The following CHD2 variants were observed in gnomAD, a reference collection of about 807,000 sequenced individuals.
The protein encoded by CHD2 is chromodomain helicase DNA binding protein 2.
A neutral mutation model predicts 243.9 loss-of-function variants in CHD2; 28 were observed. That is an observed-to-expected ratio of 0.11 (90% CI 0.09 to 0.16). CHD2 has a LOEUF of 0.16. CHD2 is among the 10% of genes least tolerant of loss of function. CHD2 has a pLI of 1.00. For missense variants in CHD2, 1,386 were observed against 2,209.8 expected, an observed-to-expected ratio of 0.63 and a Z score of 7.47; for synonymous variants, 775 against 779.0, an observed-to-expected ratio of 0.99 and a Z score of 0.09.
intron 24 of CHD2, among the ~76,000 whole-genome samples, chr15:92,983,124 C>G (rs943730474): frequency 6.6e-6 from 1 of 152,144 alleles, no homozygotes; most frequent in Non-Finnish European, 1.5e-5. Context: ...GCTCTACCCT[C>G]ATGACCTCCT....
intron 2 of CHD2, among the ~76,000 whole-genome samples, chr15:92,922,009 A>C (rs1002666399): frequency 7.2e-5 from 11 of 152,204 alleles, no homozygotes. Context: ...GGACTGTGCA[A>C]GGGGTTAAGG....
intron 16 of CHD2, among the ~76,000 whole-genome samples, chr15:92,966,924 A>AG (rs2053772667): frequency 6.6e-6 from 1 of 151,208 alleles, no homozygotes; most frequent in African/African-American, 2.4e-5. Flanking sequence ...AAAAAAAAAA[A>AG]GGAATGACTA....
intron 35 of CHD2, among the ~76,000 whole-genome samples, chr15:93,009,880 CTT>C (rs1298732045): frequency 6.6e-6 from 1 of 152,118 alleles, no homozygotes. Flanking sequence ...GCCACTGAAA[CTT>C]TTTTAAAAGA....
At chr15:92,924,298 A>ATCTC (rs749583665) in intron 2 of CHD2, 23 bp from the exon 3 acceptor site, 1 of 1,588,956 alleles carries the variant, frequency 6.3e-7, no homozygotes, top group Admixed American at 1.7e-5. Flanking sequence ...ATATTTTTAA[A>ATCTC]TCTCTCTCTC....
chr15:92,989,469 T>C (rs557701849), intron 26 of CHD2, among the ~76,000 whole-genome samples: 20 of 152,350 alleles, frequency 1.3e-4, no homozygotes, highest in African/African-American at 4.6e-4. Flanking sequence ...TTTGCTTGTT[T>C]AGTGACTTTC....
At chr15:93,021,494 A>G (rs1322914179) in intron 38 of CHD2, 1 of 152,064 alleles carries the variant, frequency 6.6e-6, no homozygotes, top group African/African-American at 2.4e-5. Context: ...TTCTCATTAC[A>G]CCTATATTAG....
At chr15:93,015,001 T>A in intron 37 of CHD2, 92 bp downstream of exon 37, 1 of 971,318 alleles carries the variant, frequency 1.0e-6, no homozygotes, top group Non-Finnish European at 1.6e-6. Context: ...GCTAGACTTC[T>A]GTGCTTTATT....
At chr15:93,020,708 A>T (rs1353405983) in intron 38 of CHD2, 1 of 208,124 alleles carries the variant, frequency 4.8e-6, no homozygotes, top group African/African-American at 2.3e-5. Context: ...CGATGAGCCG[A>T]AGCTTTACAT....
chr15:92,972,623 G>A lies in CHD2; in HGVS notation c.2505+206G>A, dbSNP rs1219262907. On this transcript the variant is annotated intron_variant, in intron 19 of 38. Coordinates refer to ENST00000394196, the MANE Select transcript of CHD2 (RefSeq NM_001271.4). ...TCCCAGCACTTTGGGAGGCCGAGGC[G>A]GGCGGATCACGAGGTCAGGAGATCA... Among the ~76,000 whole-genome samples, 2 of 10,872 alleles carry A rather than the reference G, an allele frequency of 1.8e-4. 1 individual carries two copies. Among genetic ancestry groups the A allele is most frequent in the African/African-American group, 2.6e-4 (2 of 7,750 alleles). 7.1% of individuals were successfully genotyped at this position (10,872 alleles called of 152,430 possible).
intron 37 of CHD2, among the ~76,000 whole-genome samples, chr15:93,017,635 C>G (rs991397332): frequency 2.6e-5 from 4 of 151,848 alleles, no homozygotes; most frequent in African/African-American, 9.7e-5. Flanking sequence ...GCGTGAGCCA[C>G]TGCGCCTGGC....
chr15:93,020,588 C>A, intron 38 of CHD2: 1 of 516,822 alleles, frequency 1.9e-6, no homozygotes, highest in African/African-American at 1.9e-5. Context: ...ATCAGGGATC[C>A]CGAGATGGGT....
Position 93,024,888 on chromosome 15 carries a change from G to C in CHD2, c.*183G>C, listed in dbSNP as rs2054574214. ...CTTTCACTGGGTCCAGCTCTGATTC[G>C]GGTCACCACTCCTGCACTTTGGCAC... On this transcript the variant is annotated 3_prime_UTR_variant, in exon 39 of 39. Coordinates refer to ENST00000394196, the MANE Select transcript of CHD2 (RefSeq NM_001271.4). 1.7e-6 allele frequency: 1 copy of C among 587,016 alleles called. No individual in the cohort carries two copies. The highest frequency in any genetic ancestry group is 2.9e-6 in the Non-Finnish European group (1 of 340,140). The allele number at this position is 587,016 out of a possible 1,614,324, so 36.4% of individuals were successfully genotyped here. A position where few individuals can be genotyped will look rare whatever the true frequency, so the allele number is the denominator to read the frequency against.
At chr15:92,909,437 T>C (rs1471468519) in intron 2 of CHD2, among the ~76,000 whole-genome samples, 3 of 152,228 alleles carry the variant, frequency 2.0e-5, no homozygotes, top group Non-Finnish European at 4.4e-5. Flanking sequence ...TTTCTAAGTC[T>C]AGCAGTGCCT....
At chr15:92,987,288 G>T (rs1371326499) in intron 26 of CHD2, among the ~76,000 whole-genome samples, 1 of 151,726 alleles carries the variant, frequency 6.6e-6, no homozygotes, top group Admixed American at 6.6e-5. Flanking sequence ...TTCTTTTTGG[G>T]TATTTGAAAT....
intron 16 of CHD2, among the ~76,000 whole-genome samples, chr15:92,965,593 A>AAAAAAC (rs1567144593): frequency 7.4e-6 from 1 of 135,294 alleles, no homozygotes; most frequent in Non-Finnish European, 1.6e-5. Context: ...AAAAAAAAAA[A>AAAAAAC]AACCAACTCA....
At chr15:93,008,700 G>A (rs1312494963) in intron 34 of CHD2, among the ~76,000 whole-genome samples, 1 of 152,108 alleles carries the variant, frequency 6.6e-6, no homozygotes, top group Admixed American at 6.5e-5. Context: ...AGATGCTTGT[G>A]TTCTGTTTAC....
At chr15:92,915,514 G>C in intron 2 of CHD2, among the ~76,000 whole-genome samples, 1 of 152,052 alleles carries the variant, frequency 6.6e-6, no homozygotes, top group Non-Finnish European at 1.5e-5. Context: ...CTTGTGATCT[G>C]CCTGCCTCGG....
chr15:92,919,573 G>T (rs2052914712), intron 2 of CHD2, among the ~76,000 whole-genome samples: 1 of 152,044 alleles, frequency 6.6e-6, no homozygotes, highest in South Asian at 2.1e-4. Flanking sequence ...TGTATTTGTA[G>T]TAGAGATGGG....
chr15:92,987,617 A>G (rs1596439724), intron 26 of CHD2, among the ~76,000 whole-genome samples: 1 of 16,520 alleles, frequency 6.1e-5, no homozygotes, highest in Non-Finnish European at 2.4e-4. Context: ...AAGAAGAAGG[A>G]AAAAAAAAAA....
Sources: allele counts gnomAD v4.1 joint callset (sites outside exome capture counted in the v4.1 genomes callset), GRCh38; gene constraint gnomAD v4.1.1; transcripts MANE v1.5; gene names NCBI Gene and HGNC (gene_info 2026-07-23, HGNC 2026-07-21).